Variants in PTPRG observed in about 807,000 individuals in gnomAD.
PTPRG encodes receptor-type tyrosine-protein phosphatase gamma.
A neutral mutation model predicts 165.3 loss-of-function variants in PTPRG; 102 were observed. The observed-to-expected ratio is 0.62, with a 90% CI of 0.53 to 0.73. The LOEUF (loss-of-function observed/expected upper bound fraction) is 0.73. PTPRG is among the 30% of genes least tolerant of loss of function. PTPRG has a pLI of 0.00. For missense variants in PTPRG, 1,866 were observed against 1,861.4 expected (o/e 1.00, Z -0.05); for synonymous variants, 675 against 669.5 (o/e 1.01, Z -0.13).
chr3:62,248,064 G>A (rs147444781), intron 15 of PTPRG, among the ~76,000 whole-genome samples: 1 of 152,002 alleles, frequency 6.6e-6, no homozygotes, highest in African/African-American at 2.4e-5. Context: ...TGCAAAATAT[G>A]GAAATGCTAG....
chr3:62,087,851 T>G (rs767481836), intron 5 of PTPRG, among the ~76,000 whole-genome samples: 1 of 152,224 alleles, frequency 6.6e-6, no homozygotes, highest in Non-Finnish European at 1.5e-5. Context: ...TCTTGTAACT[T>G]AAAATTATGT....
At chr3:61,815,527 C>A (rs895007213) in intron 2 of PTPRG, among the ~76,000 whole-genome samples, 8 of 152,168 alleles carry the variant, frequency 5.3e-5, no homozygotes, top group African/African-American at 1.9e-4. Context: ...ATAACCATGT[C>A]TCAGTGTCAT....
intron 1 of PTPRG, among the ~76,000 whole-genome samples, chr3:61,618,831 C>T (rs1701371167): frequency 6.6e-6 from 1 of 151,990 alleles, no homozygotes; most frequent in Non-Finnish European, 1.5e-5. Context: ...TTGACCATCA[C>T]ACTTTTAGTG....
At chr3:61,812,723 A>G (rs2035623790) in intron 2 of PTPRG, among the ~76,000 whole-genome samples, 1 of 152,218 alleles carries the variant, frequency 6.6e-6, no homozygotes, top group Non-Finnish European at 1.5e-5. Flanking sequence ...AGGGCTCCTC[A>G]GATGTTCACC....
intron 2 of PTPRG, among the ~76,000 whole-genome samples, chr3:61,950,602 C>G (rs942364371): frequency 1.3e-5 from 2 of 152,080 alleles, no homozygotes; most frequent in South Asian, 4.2e-4. Context: ...GTTATAGGTT[C>G]TTTCTGTACA....
chr3:62,100,585 A>G lies in PTPRG; in HGVS notation c.615+22327A>G, dbSNP rs2106824972. Among the ~76,000 whole-genome samples, 3 of 152,130 alleles carry G rather than the reference A, an allele frequency of 2.0e-5. No individual in the cohort carries two copies. The South Asian group carries it at 6.3e-4, about 32-fold the overall frequency. ...TTGCCTGGATGTTTTTCTGCTTTCC[A>G]ATCATAAGCCAAAAAAACAAAAAAA... On this transcript the variant is annotated intron_variant, in intron 5 of 29. Transcript: ENST00000474889.
intron 7 of PTPRG, among the ~76,000 whole-genome samples, chr3:62,164,402 A>G (rs1296914843): frequency 6.6e-6 from 1 of 152,200 alleles, no homozygotes; most frequent in Non-Finnish European, 1.5e-5. Flanking sequence ...CAAGCATGCC[A>G]GTTGCCAAAG....
At chr3:62,259,446 C>T (rs964630817) in intron 16 of PTPRG, among the ~76,000 whole-genome samples, 15 of 152,010 alleles carry the variant, frequency 9.9e-5, no homozygotes, top group African/African-American at 1.7e-4. Context: ...AGAAAGTTTA[C>T]GAATTTGTGT....
At chr3:62,139,544 T>C (rs1433472241) in intron 6 of PTPRG, among the ~76,000 whole-genome samples, 1 of 152,166 alleles carries the variant, frequency 6.6e-6, no homozygotes, top group African/African-American at 2.4e-5. Flanking sequence ...ACGGCTGCTC[T>C]CTCTCGGTCT....
intron 12 of PTPRG, among the ~76,000 whole-genome samples, chr3:62,205,702 AGT>A (rs1700211879): frequency 6.6e-6 from 1 of 152,162 alleles, no homozygotes; most frequent in Non-Finnish European, 1.5e-5. Context: ...CTATCAGGCC[AGT>A]GTGGTTAGAC....
At chr3:62,249,774 C>G (rs1242458778) in intron 15 of PTPRG, among the ~76,000 whole-genome samples, 1 of 152,186 alleles carries the variant, frequency 6.6e-6, no homozygotes, top group Non-Finnish European at 1.5e-5. Flanking sequence ...TTCCAAGTAA[C>G]TGAAGCCTAC....
Position 61,926,684 on chromosome 3 carries a change from T to C in PTPRG, c.191-62941T>C, listed in dbSNP as rs184436502. Among the ~76,000 whole-genome samples, 397 of 146,136 alleles carry C rather than the reference T, an allele frequency of 2.7e-3. 1 individual carries two copies. The highest frequency in any genetic ancestry group is 0.021 in the Middle Eastern group (6 of 288). On this transcript the variant is annotated intron_variant, in intron 2 of 29. Coordinates refer to ENST00000474889, the MANE Select transcript of PTPRG (RefSeq NM_002841.4). ...TTATATCAGTGCAAGAACAGATTAA[T>C]ATGGTAGCCCAGCCTTGACTCCCAT... is the stretch of plus-strand genomic sequence containing the variant.
At chr3:61,587,245 A>G (rs1559513345) in intron 1 of PTPRG, among the ~76,000 whole-genome samples, 2 of 152,232 alleles carry the variant, frequency 1.3e-5, no homozygotes, top group Admixed American at 1.3e-4. Flanking sequence ...TTGTCCTTAA[A>G]TTGTTAAATT....
chr3:61,792,651 CAT>C (rs1472869818), intron 2 of PTPRG, among the ~76,000 whole-genome samples: 1 of 151,702 alleles, frequency 6.6e-6, no homozygotes, highest in East Asian at 1.9e-4. Flanking sequence ...CCATGGAAAA[CAT>C]AACTTTTTTG....
At chr3:62,046,285 A>G (rs1700289439) in intron 4 of PTPRG, among the ~76,000 whole-genome samples, 2 of 151,518 alleles carry the variant, frequency 1.3e-5, no homozygotes, top group Non-Finnish European at 1.5e-5. Context: ...TTTCTCATCC[A>G]CTCCATCCAT....
At chr3:61,921,364 A>G (rs985854553) in intron 2 of PTPRG, among the ~76,000 whole-genome samples, 2 of 152,224 alleles carry the variant, frequency 1.3e-5, no homozygotes, top group African/African-American at 4.8e-5. Context: ...GGAAAATAGC[A>G]TGCTAAAATC....
intron 1 of PTPRG, among the ~76,000 whole-genome samples, chr3:61,639,278 T>C (rs974157884): frequency 1.3e-5 from 2 of 152,196 alleles, no homozygotes; most frequent in African/African-American, 4.8e-5. Context: ...TGTTGGTTTT[T>C]GTAATAGTAC....
chr3:61,912,681 ATTC>A (rs2038832856), intron 2 of PTPRG, among the ~76,000 whole-genome samples: 1 of 152,104 alleles, frequency 6.6e-6, no homozygotes, highest in African/African-American at 2.4e-5. Flanking sequence ...AATTCCCCTT[ATTC>A]TTGTCAATCG....
intron 2 of PTPRG, among the ~76,000 whole-genome samples, chr3:61,764,185 C>G (rs915572013): frequency 1.7e-4 from 26 of 152,164 alleles, no homozygotes; most frequent in Admixed American, 1.2e-3. Context: ...GTAGACCTCC[C>G]TGTTCCTTTT....
Sources: gnomAD v4.1 joint callset for allele counts (sites outside exome capture counted in the v4.1 genomes callset) on GRCh38, gnomAD v4.1.1 for gene constraint, MANE v1.5 for transcripts, NCBI Gene and HGNC (gene_info 2026-07-23, HGNC 2026-07-21) for gene names.